The following HDAC9 variants were observed in gnomAD, a reference collection of about 807,000 sequenced individuals.
HDAC9 encodes the protein MEF-2 interacting transcription repressor (MITR) protein.
In HDAC9, 41 loss-of-function variants were observed where a neutral mutation model predicts 139.4. The observed-to-expected ratio is 0.29, with a 90% CI of 0.23 to 0.38. The LOEUF is 0.38. HDAC9 is among the 10% of genes least tolerant of loss of function. HDAC9 has a pLI of 1.00. For synonymous variants in HDAC9, 517 were observed against 476.2 expected (o/e 1.09, Z -1.12); for missense variants, 1,147 against 1,297.0 (o/e 0.88, Z 1.78).
chr7:18,127,179 A>G (rs1331214603), intron 1 of HDAC9: 1 of 168,306 alleles, frequency 5.9e-6, no homozygotes, highest in East Asian at 1.9e-4. Flanking sequence ...GATTGTCAGA[A>G]AAAAATATAG....
intron 2 of HDAC9, among the ~76,000 whole-genome samples, chr7:18,265,406 A>G (rs1795931695): frequency 6.6e-6 from 1 of 152,324 alleles, no homozygotes; most frequent in Admixed American, 6.5e-5. Flanking sequence ...CCATTTATTT[A>G]GAACGCCAGA....
rs1289470704 is a variant in HDAC9 at position 18,249,894 on chromosome 7, T to C, written c.25+87545T>C. Among the ~76,000 whole-genome samples, 3 of 152,286 alleles carry C rather than the reference T, an allele frequency of 2.0e-5. No individual in the cohort carries two copies. In the East Asian group the frequency reaches 5.8e-4, roughly 29 times the overall value. On this transcript the variant is annotated intron_variant, in intron 2 of 12. Transcript: ENST00000417496. ...AAATAAGGGTTTAATTAATTATAAA[T>C]ATGCCTGCTAATTTTAGGCAGGATT...
chr7:18,168,084 A>G (rs1788129284), intron 2 of HDAC9, among the ~76,000 whole-genome samples: 1 of 152,216 alleles, frequency 6.6e-6, no homozygotes, highest in African/African-American at 2.4e-5. Flanking sequence ...CAGTGTAGCT[A>G]TTAGAAAATT....
intron 8 of HDAC9, among the ~76,000 whole-genome samples, chr7:18,638,541 T>C (rs1395900370): frequency 2.2e-4 from 34 of 152,048 alleles, no homozygotes; most frequent in Admixed American, 2.2e-3. Context: ...GACCCCCAGA[T>C]TCCTGATCTA....
chr7:18,888,631 C>T (rs774050844), intron 22 of HDAC9, among the ~76,000 whole-genome samples: 3 of 152,194 alleles, frequency 2.0e-5, no homozygotes, highest in Non-Finnish European at 2.9e-5. Context: ...CAGCTTCTTC[C>T]ATGAGAAATT....
intron 2 of HDAC9, among the ~76,000 whole-genome samples, chr7:18,228,370 C>T (rs1183785681): frequency 6.6e-6 from 1 of 151,448 alleles, no homozygotes; most frequent in Non-Finnish European, 1.5e-5. Context: ...TAGGTACATA[C>T]TCTTTTGATT....
chr7:18,093,034 T>C (rs537751119), intron 1 of HDAC9, among the ~76,000 whole-genome samples: 1 of 152,326 alleles, frequency 6.6e-6, no homozygotes, highest in Non-Finnish European at 1.5e-5. Flanking sequence ...GGAGTAGAGC[T>C]AAGGACCATT....
chr7:18,185,527 C>A (rs1231961194), intron 2 of HDAC9, among the ~76,000 whole-genome samples: 1 of 152,136 alleles, frequency 6.6e-6, no homozygotes, highest in Non-Finnish European at 1.5e-5. Context: ...GAAAACTAAA[C>A]TTTTAGTTCT....
chr7:18,380,349 C>T (rs577970824), intron 1 of HDAC9, among the ~76,000 whole-genome samples: 2 of 152,224 alleles, frequency 1.3e-5, no homozygotes, highest in South Asian at 4.2e-4. Flanking sequence ...GGTGAAAACA[C>T]AGTTGTTGTA....
intron 1 of HDAC9, among the ~76,000 whole-genome samples, chr7:18,438,816 A>G (rs527357339): frequency 6.6e-6 from 1 of 152,194 alleles, no homozygotes; most frequent in Non-Finnish European, 1.5e-5. Context: ...TTTTTATTCT[A>G]TAAATGTATG....
At chr7:18,940,033 T>G (rs1781916792) in intron 23 of HDAC9, among the ~76,000 whole-genome samples, 1 of 152,186 alleles carries the variant, frequency 6.6e-6, no homozygotes, top group Admixed American at 6.5e-5. Context: ...TGCTATTTCT[T>G]TCCCTTGTTG....
intron 1 of HDAC9, among the ~76,000 whole-genome samples, chr7:18,478,416 T>G (rs1186346686): frequency 2.0e-5 from 3 of 152,248 alleles, no homozygotes; most frequent in African/African-American, 7.2e-5. Context: ...TCTAATTCTG[T>G]GCTGCACTCT....
intron 1 of HDAC9, among the ~76,000 whole-genome samples, chr7:18,091,291 A>C (rs1328717277): frequency 6.6e-6 from 1 of 152,194 alleles, no homozygotes; most frequent in Non-Finnish European, 1.5e-5. Context: ...ACTACTATCT[A>C]TTGTTTGCTG....
At chr7:18,180,776 G>A (rs138234319) in intron 2 of HDAC9, among the ~76,000 whole-genome samples, 32 of 152,298 alleles carry the variant, frequency 2.1e-4, no homozygotes, top group Non-Finnish European at 4.0e-4. Flanking sequence ...CAAAGGAAAT[G>A]TATTTTCTCA....
chr7:18,817,527 A>G (rs1303401738), intron 17 of HDAC9, among the ~76,000 whole-genome samples: 1 of 152,242 alleles, frequency 6.6e-6, no homozygotes, highest in Admixed American at 6.5e-5. Context: ...TTTCAAAAGC[A>G]TTATGTCCTG....
intron 2 of HDAC9, among the ~76,000 whole-genome samples, chr7:18,569,238 G>A (rs1280276860): frequency 6.6e-6 from 1 of 152,024 alleles, no homozygotes; most frequent in South Asian, 2.1e-4. Context: ...AATGAGAGTG[G>A]CTGTGTTCCA....
intron 1 of HDAC9, among the ~76,000 whole-genome samples, chr7:18,432,787 CA>C (rs1790801328): frequency 6.6e-6 from 1 of 151,642 alleles, no homozygotes; most frequent in African/African-American, 2.4e-5. Context: ...CTCTACTAAA[CA>C]AAAATACAAA....
At chr7:18,418,943 A>C (rs1358578477) in intron 1 of HDAC9, among the ~76,000 whole-genome samples, 2 of 152,134 alleles carry the variant, frequency 1.3e-5, no homozygotes, top group Non-Finnish European at 2.9e-5. Flanking sequence ...TCAGAGAAGT[A>C]ATGTTTGTTT....
At position 18,782,544 on chromosome 7, in the gene HDAC9, T is replaced by G. The variant is rs891745518; in HGVS notation, c.2215-10801T>G. Among the ~76,000 whole-genome samples, 8 of 152,082 alleles carry G rather than the reference T, an allele frequency of 5.3e-5. No homozygotes were observed. The South Asian group carries it at 8.3e-4, about 16-fold the overall frequency. On this transcript the variant is annotated intron_variant, in intron 16 of 25. Transcript: ENST00000686413. ...TTGGAAAAGCCTGCAAAGACCCACA[T>G]TCACTCAGGAAACTACAGTTGAACT...
Sources: gnomAD v4.1 joint callset for allele counts (sites outside exome capture counted in the v4.1 genomes callset) on GRCh38, gnomAD v4.1.1 for gene constraint, MANE v1.5 for transcripts, NCBI Gene and HGNC (gene_info 2026-07-23, HGNC 2026-07-21) for gene names.